KLHL32: variants seen among roughly 807,000 people sequenced by gnomAD.
KLHL32 encodes kelch like family member 32.
KLHL32 carries 35 observed loss-of-function variants against 64.8 expected under a neutral mutation model. The ratio of observed to expected loss-of-function variants is 0.54; its 90% confidence interval spans 0.41 to 0.72. The LOEUF (loss-of-function observed/expected upper bound fraction) is 0.72, where lower values mean the gene tolerates loss of function less well. Among genes scored for constraint, KLHL32 ranks in the 30% least tolerant of loss-of-function variants. KLHL32 has a pLI of 0.00. For synonymous variants in KLHL32, 259 were observed against 281.0 expected, an observed-to-expected ratio of 0.92 and a Z score of 0.78; for missense variants, 589 against 768.5, an observed-to-expected ratio of 0.77 and a Z score of 2.76.
chr6:96,899,378 C>T, the KLHL32 span, among the ~76,000 whole-genome samples: 4 of 152,076 alleles, frequency 2.6e-5, no homozygotes, highest in African/African-American at 9.7e-5. Context: ...TGTCTATGTG[C>T]TTTAATCATG....
At chr6:96,951,995 A>G (rs1295631079) in intron 1 of KLHL32, among the ~76,000 whole-genome samples, 1 of 152,140 alleles carries the variant, frequency 6.6e-6, no homozygotes, top group African/African-American at 2.4e-5. Context: ...CCATGTCTGC[A>G]TGGGTTTTTT....
intron 1 of KLHL32, among the ~76,000 whole-genome samples, chr6:96,937,978 CTG>C (rs956008247): frequency 1.3e-5 from 2 of 152,220 alleles, no homozygotes; most frequent in African/African-American, 4.8e-5. Flanking sequence ...TTCTCAGACT[CTG>C]TAAATAAACA....
chr6:96,937,053 TAA>T (rs560384604), intron 1 of KLHL32, among the ~76,000 whole-genome samples: 1 of 147,000 alleles, frequency 6.8e-6, no homozygotes, highest in African/African-American at 2.5e-5. Context: ...TCTTATCGAT[TAA>T]AAAAAAAAAG....
the KLHL32 span, among the ~76,000 whole-genome samples, chr6:96,910,055 T>C: frequency 1.3e-5 from 2 of 152,224 alleles, no homozygotes; most frequent in African/African-American, 4.8e-5. Flanking sequence ...ATTACTGGAC[T>C]GCAGCTCTAT....
chr6:97,051,493 T>A (rs1243083363), intron 4 of KLHL32, among the ~76,000 whole-genome samples: 2 of 152,196 alleles, frequency 1.3e-5, no homozygotes, highest in Non-Finnish European at 2.9e-5. Context: ...ACTCAGTGGG[T>A]TTTGCACTTC....
intron 3 of KLHL32, among the ~76,000 whole-genome samples, chr6:97,000,179 G>A (rs1350427253): frequency 6.6e-6 from 1 of 152,152 alleles, no homozygotes; most frequent in East Asian, 1.9e-4. Context: ...GACTGAGGAG[G>A]ACTCAGGAAA....
At chr6:97,025,723 GGTTCAA>G (rs1782630450) in intron 3 of KLHL32, among the ~76,000 whole-genome samples, 1 of 152,154 alleles carries the variant, frequency 6.6e-6, no homozygotes, top group South Asian at 2.1e-4. Context: ...TGAAGGCATG[GGTTCAA>G]GTCCCGACTC....
intron 2 of KLHL32, among the ~76,000 whole-genome samples, chr6:96,974,664 C>T (rs1775502266): frequency 6.6e-6 from 1 of 152,238 alleles, no homozygotes; most frequent in Admixed American, 6.5e-5. Flanking sequence ...TTAATGACTG[C>T]CTTCTGGCAT....
At chr6:96,909,823 G>C in the KLHL32 span, among the ~76,000 whole-genome samples, 1 of 152,244 alleles carries the variant, frequency 6.6e-6, no homozygotes, top group Non-Finnish European at 1.5e-5. Context: ...ATTGTGATTT[G>C]AACACATTAA....
At chr6:96,974,162 G>A (rs748933998) in intron 2 of KLHL32, among the ~76,000 whole-genome samples, 1 of 152,106 alleles carries the variant, frequency 6.6e-6, no homozygotes, top group Non-Finnish European at 1.5e-5. Flanking sequence ...GCCTCATGGT[G>A]TTGTTGTGCA....
At chr6:97,114,807 A>G (rs928544076) in intron 7 of KLHL32, among the ~76,000 whole-genome samples, 2 of 152,096 alleles carry the variant, frequency 1.3e-5, no homozygotes. Context: ...TTGATTATTC[A>G]TGGATTGTAT....
intron 3 of KLHL32, among the ~76,000 whole-genome samples, chr6:97,010,840 A>G (rs758744516): frequency 1.4e-4 from 21 of 152,218 alleles, no homozygotes; most frequent in Non-Finnish European, 2.9e-4. Flanking sequence ...CCTAAGTAGT[A>G]AAACAATCAT....
intron 7 of KLHL32, among the ~76,000 whole-genome samples, chr6:97,126,462 AAG>A (rs1271745620): frequency 7.2e-5 from 11 of 152,196 alleles, no homozygotes; most frequent in Admixed American, 6.5e-4. Context: ...GAGGACAAAT[AAG>A]AGAAACTTAG....
At chr6:96,985,709 G>C (rs1371845341) in intron 3 of KLHL32, among the ~76,000 whole-genome samples, 2 of 151,484 alleles carry the variant, frequency 1.3e-5, no homozygotes, top group Non-Finnish European at 2.9e-5. Flanking sequence ...TCGTGCCTTG[G>C]TTTTCAGTTC....
At chr6:97,041,253 C>T (rs1463336810) in intron 3 of KLHL32, among the ~76,000 whole-genome samples, 1 of 152,154 alleles carries the variant, frequency 6.6e-6, no homozygotes, top group Non-Finnish European at 1.5e-5. Context: ...CTGTGTATTA[C>T]ATATAGAAGT....
rs532726315 is a variant in KLHL32 at position 97,047,639 on chromosome 6, A to C, written c.312+6040A>C. ...GTGGCCAAGTTTTTTCATGTTTCAGACCAGTCCTGAGTAGAAGAGGTATGA... is the reference window on the plus strand; with the variant it reads ...GTGGCCAAGTTTTTTCATGTTTCAGCCCAGTCCTGAGTAGAAGAGGTATGA... On this transcript the variant is annotated intron_variant, in intron 4 of 10. Transcript: ENST00000369261. Among the ~76,000 whole-genome samples, 6 of 152,302 alleles carry C rather than the reference A, an allele frequency of 3.9e-5. No homozygotes were observed. The South Asian group carries it at 1.2e-3, about 32-fold the overall frequency.
At chr6:97,054,880 A>T (rs944714072) in intron 4 of KLHL32, among the ~76,000 whole-genome samples, 1 of 152,176 alleles carries the variant, frequency 6.6e-6, no homozygotes, top group Non-Finnish European at 1.5e-5. Flanking sequence ...CAGAGGATGC[A>T]TTGGGCTGAT....
chr6:97,084,377 A>G (rs1197178985), intron 5 of KLHL32, among the ~76,000 whole-genome samples: 1 of 152,158 alleles, frequency 6.6e-6, no homozygotes, highest in Non-Finnish European at 1.5e-5. Flanking sequence ...TGGAGGCATA[A>G]TTGTAGAGCC....
At chr6:97,022,620 C>A (rs1326210050) in intron 3 of KLHL32, among the ~76,000 whole-genome samples, 2 of 150,504 alleles carry the variant, frequency 1.3e-5, no homozygotes, top group Non-Finnish European at 2.9e-5. Flanking sequence ...CAGGCGCCTG[C>A]CACCACACCT....
Sources: allele counts gnomAD v4.1 joint callset (sites outside exome capture counted in the v4.1 genomes callset), GRCh38; gene constraint gnomAD v4.1.1; transcripts MANE v1.5; gene names NCBI Gene and HGNC (gene_info 2026-07-23, HGNC 2026-07-21).